NMBR: variants seen among roughly 807,000 people sequenced by gnomAD.
The protein encoded by NMBR is neuromedin B receptor, also known as neuromedin-B receptor.
Under a neutral mutation model 20.5 loss-of-function variants are expected in NMBR, and 16 were observed. That is an observed-to-expected ratio of 0.78 (90% CI 0.53 to 1.19). The LOEUF (loss-of-function observed/expected upper bound fraction) is 1.19, where lower values mean the gene tolerates loss of function less well. Ranked by LOEUF, NMBR falls within the 50% of genes most tolerant of loss-of-function variation. The pLI is 0.00. For missense variants in NMBR, 582 were observed against 499.1 expected (o/e 1.17, Z -1.58); for synonymous variants, 212 against 196.6 (o/e 1.08, Z -0.65).
chr6:142,123,303 C>T (rs1312940257), intron 1 of NMBR, among the ~76,000 whole-genome samples: 1 of 151,872 alleles, frequency 6.6e-6, no homozygotes, highest in Non-Finnish European at 1.5e-5. Flanking sequence ...GCTGTGATCT[C>T]ATGATAAAAC....
intron 1 of NMBR, chr6:142,134,131 G>GT (rs1231060939): frequency 4.0e-6 from 2 of 503,042 alleles, no homozygotes; most frequent in South Asian, 3.7e-5. Context: ...ACCCTAACAG[G>GT]TTTTTTGTTC....
chr6:142,138,263 T>C (rs929563027), intron 1 of NMBR, among the ~76,000 whole-genome samples: 1 of 152,162 alleles, frequency 6.6e-6, no homozygotes, highest in African/African-American at 2.4e-5. Context: ...CCATTTTTCC[T>C]CAAGCTTTAT....
At chr6:142,116,703 T>G (rs986828902) in intron 1 of NMBR, among the ~76,000 whole-genome samples, 7 of 152,038 alleles carry the variant, frequency 4.6e-5, no homozygotes, top group Admixed American at 3.9e-4. Context: ...CAGGTATTAT[T>G]TAGGCACATT....
chr6:142,136,408 T>A (rs1778254222), intron 1 of NMBR, among the ~76,000 whole-genome samples: 1 of 152,206 alleles, frequency 6.6e-6, no homozygotes, highest in Admixed American at 6.5e-5. Context: ...CTTTGTCAGA[T>A]GAGTAGGTTG....
chr6:142,106,883 A>T (rs1332422820), intron 1 of NMBR, among the ~76,000 whole-genome samples: 2 of 152,226 alleles, frequency 1.3e-5, no homozygotes, highest in African/African-American at 4.8e-5. Flanking sequence ...ATGTAAATTT[A>T]AAACAATGGT....
chr6:142,095,941 G>C (rs111955684), intron 1 of NMBR, among the ~76,000 whole-genome samples: 20 of 152,158 alleles, frequency 1.3e-4, no homozygotes, highest in African/African-American at 4.8e-4. Flanking sequence ...TATTTGCATA[G>C]AGGTGTTTAC....
chr6:142,143,473 G>A (rs922610843), intron 1 of NMBR, among the ~76,000 whole-genome samples: 1 of 152,176 alleles, frequency 6.6e-6, no homozygotes, highest in African/African-American at 2.4e-5. Flanking sequence ...TAGTAGAGCC[G>A]GGGTTTCTCC....
intron 1 of NMBR, among the ~76,000 whole-genome samples, chr6:142,107,762 G>T (rs1039109214): frequency 2.0e-5 from 3 of 151,702 alleles, no homozygotes; most frequent in Admixed American, 2.0e-4. Flanking sequence ...AAACTTAGCA[G>T]AAAAAGACCT....
intron 1 of NMBR, among the ~76,000 whole-genome samples, chr6:142,125,508 C>CATTTGCATGCAT (rs1407324433): frequency 6.6e-6 from 1 of 151,804 alleles, no homozygotes; most frequent in Non-Finnish European, 1.5e-5. Flanking sequence ...TACACATATA[C>CATTTGCATGCAT]ATACATACAC....
intron 2 of NMBR, among the ~76,000 whole-genome samples, chr6:142,079,845 C>A (rs1475294951): frequency 6.6e-6 from 1 of 152,146 alleles, no homozygotes; most frequent in African/African-American, 2.4e-5. Flanking sequence ...TGGCAATATA[C>A]TAGCAGTGTA....
Position 142,088,561 on chromosome 6 carries a change from G to A in NMBR, c.98C>T (p.Ser33Leu), listed in dbSNP as rs561552859. ...EGWERDFLPASDGTTTELVIR... is the reference protein window; with the variant it reads ...EGWERDFLPALDGTTTELVIR... ...CACCAACTCCGTGGTGGTCCCGTCC[G>A]AGGCCGGCAGGAAATCCCTTTCCCA... Residue 33 changes from serine to leucine, a missense_variant, in exon 2 of 4, where the codon TCG (serine) becomes TTG (leucine). Transcript: ENST00000258042. 1.9e-6 allele frequency: 3 copies of A among 1,613,818 alleles called. No individual in the cohort carries two copies. The highest frequency in any genetic ancestry group is 1.3e-5 in the African/African-American group (1 of 75,008).
Position 142,074,726 on chromosome 6 carries a change from A to G in NMBR, c.*922T>C, listed in dbSNP as rs928164948. Among the ~76,000 whole-genome samples, 3 of 152,158 alleles carry G rather than the reference A, an allele frequency of 2.0e-5. No individual in the cohort carries two copies. Among genetic ancestry groups the G allele is most frequent in the African/African-American group, 4.8e-5 (2 of 41,436 alleles). Reference sequence around the variant, plus strand: ...GAATTACACAAATCTTATCACATCTATACACAATCATCCAAATATTCGAGG... The same window carrying G: ...GAATTACACAAATCTTATCACATCTGTACACAATCATCCAAATATTCGAGG... On this transcript the variant is annotated 3_prime_UTR_variant, in exon 4 of 4. Coordinates refer to ENST00000258042, the MANE Select transcript of NMBR (RefSeq NM_002511.4).
chr6:142,144,966 C>G (rs988514286), intron 1 of NMBR, among the ~76,000 whole-genome samples: 1 of 134,888 alleles, frequency 7.4e-6, no homozygotes, highest in Non-Finnish European at 1.5e-5. Flanking sequence ...AAGACTGCAG[C>G]GAGCTCTGAT....
At chr6:142,119,688 T>C (rs1331762774) in intron 1 of NMBR, among the ~76,000 whole-genome samples, 1 of 151,986 alleles carries the variant, frequency 6.6e-6, no homozygotes, top group Non-Finnish European at 1.5e-5. Flanking sequence ...GTTATTATTT[T>C]ACTGTTACAG....
intron 2 of NMBR, among the ~76,000 whole-genome samples, chr6:142,082,066 T>TG: frequency 6.6e-6 from 1 of 152,288 alleles, no homozygotes; most frequent in Middle Eastern, 3.4e-3. Context: ...ATAATAAAAA[T>TG]GGGATATTTT....
At chr6:142,133,110 T>C (rs980524342) in intron 1 of NMBR, 13 of 632,082 alleles carry the variant, frequency 2.1e-5, no homozygotes, top group Non-Finnish European at 3.4e-5. Context: ...ACTGGCAATG[T>C]GGGTCAAGAA....
At chr6:142,124,251 A>G (rs1777995505) in intron 1 of NMBR, among the ~76,000 whole-genome samples, 1 of 151,970 alleles carries the variant, frequency 6.6e-6, no homozygotes, top group African/African-American at 2.4e-5. Context: ...CTTTTTTATT[A>G]CAAGGTATGT....
At chr6:142,142,278 C>T (rs952617771) in intron 1 of NMBR, among the ~76,000 whole-genome samples, 1 of 152,108 alleles carries the variant, frequency 6.6e-6, no homozygotes, top group South Asian at 2.1e-4. Flanking sequence ...AGAAATAATA[C>T]TCCAAAATCT....
chr6:142,088,336 T>C lies in NMBR; in HGVS notation c.323A>G (p.Glu108Gly). The change falls in exon 2 of 4, where the codon GAG becomes GGG. Residue 108 changes from glutamate to glycine, a missense_variant. Physicochemically the swap from Glu to Gly is moderately conservative, Grantham distance 98 (BLOSUM62 -2). Coordinates refer to ENST00000258042, the MANE Select transcript of NMBR (RefSeq NM_002511.4). ...PVDASRYFFD[E>G]WMFGKVGCKL... The stretch of plus-strand genomic sequence containing the variant: ...GCAGCCCACCTTGCCAAACATCCAC[T>C]CGTCGAAGAAGTAGCGCGAGGCGTC... 6.2e-7 allele frequency: 1 copy of C among 1,614,106 alleles called. No homozygotes were observed. The highest frequency in any genetic ancestry group is 8.5e-7 in the Non-Finnish European group (1 of 1,180,026).
Sources: allele counts gnomAD v4.1 joint callset (sites outside exome capture counted in the v4.1 genomes callset), GRCh38; gene constraint gnomAD v4.1.1; transcripts MANE v1.5; gene names NCBI Gene and HGNC (gene_info 2026-07-23, HGNC 2026-07-21).